The following SLC6A5 variants were observed in gnomAD, a reference collection of about 807,000 sequenced individuals.
The protein encoded by SLC6A5 is sodium- and chloride-dependent glycine transporter 2.
A neutral mutation model predicts 90.5 loss-of-function variants in SLC6A5; 58 were observed. That is an observed-to-expected ratio of 0.64 (90% CI 0.52 to 0.80). The LOEUF is 0.80. SLC6A5 is among the 30% of genes least tolerant of loss of function. The pLI is 0.00. For synonymous variants in SLC6A5, 427 were observed against 401.4 expected (o/e 1.06, Z -0.76); for missense variants, 1,015 against 1,017.6 (o/e 1.00, Z 0.03).
At chr11:20,606,961 C>T in intron 3 of SLC6A5, 46 bp from the exon 4 acceptor site, 1 of 1,613,610 alleles carries the variant, frequency 6.2e-7, no homozygotes, top group East Asian at 2.2e-5. Flanking sequence ...AGGGCAGCAG[C>T]CTGCTTTTGC....
intron 5 of SLC6A5, among the ~76,000 whole-genome samples, chr11:20,609,839 G>C (rs1852661327): frequency 6.6e-6 from 1 of 152,204 alleles, no homozygotes; most frequent in South Asian, 2.1e-4. Context: ...CCCTGGATCT[G>C]TGGGTGGGGA....
chr11:20,618,440 C>G lies in SLC6A5; in HGVS notation c.1260+556C>G, dbSNP rs560085641. ...GCCCCTAGCACTAAAGGAAGATGGT[C>G]CTGCCCATGGAATTTTGGCTGAGCA... On this transcript the variant is annotated intron_variant, in intron 7 of 15. Coordinates refer to ENST00000525748, the MANE Select transcript of SLC6A5 (RefSeq NM_004211.5). Among the ~76,000 whole-genome samples, 4 of 152,302 alleles carry G rather than the reference C, an allele frequency of 2.6e-5. No homozygotes were observed. In the East Asian group the frequency reaches 7.7e-4, roughly 29 times the overall value.
At chr11:20,600,318 C>A (rs192397783) in intron 1 of SLC6A5, among the ~76,000 whole-genome samples, 3 of 113,230 alleles carry the variant, frequency 2.6e-5, no homozygotes, top group Non-Finnish European at 3.6e-5. Context: ...TGAATAGTTA[C>A]GCAAAAAAGA....
chr11:20,607,295 C>T (rs1406261634), intron 4 of SLC6A5, among the ~76,000 whole-genome samples, 157 bp downstream of exon 4: 1 of 152,172 alleles, frequency 6.6e-6, no homozygotes, highest in African/African-American at 2.4e-5. Context: ...CCAAGATCAC[C>T]TCTGGCATTG....
At position 20,608,944 on chromosome 11, in the gene SLC6A5, CTCTCTCTCTCTCTCTGTGTGTG is replaced by C. The variant is rs1191122862; in HGVS notation, c.985+1294_985+1315del. ...TCTGTCTCTCTCTCTCTCTCTCTCTCTCTCTCTCTCTCTCTGTGTGTGTGTGTGTGTGTGTGTGTGTGTGTGT... is the reference window on the plus strand; with the variant it reads ...TCTGTCTCTCTCTCTCTCTCTCTCTCTGTGTGTGTGTGTGTGTGTGTGTGT... On this transcript the variant is annotated intron_variant, in intron 5 of 15. Transcript: ENST00000525748. 1.3e-4 allele frequency among the ~76,000 whole-genome samples: 15 copies of C among 118,850 alleles called. No individual in the cohort carries two copies. The East Asian group carries it at 2.7e-3, about 21-fold the overall frequency. The allele number at this position is 118,850 out of a possible 152,430, so 78.0% of individuals were successfully genotyped here.
Position 20,630,704 on chromosome 11 carries a change from G to T in SLC6A5, c.1513G>T (p.Val505Phe). 1 of 1,614,184 alleles carries T rather than the reference G, an allele frequency of 6.2e-7. No individual in the cohort carries two copies. Among genetic ancestry groups the T allele is most frequent in the Non-Finnish European group, 8.5e-7 (1 of 1,180,018 alleles). The change falls in exon 10 of 16, where the codon GTC (valine) becomes TTC (phenylalanine). Residue 505 changes from valine (V) to phenylalanine (F), a missense_variant. Physicochemically the swap from Val to Phe is conservative, Grantham distance 50 (BLOSUM62 -1). Around this residue, in one of 3 missense-constraint regions of SLC6A5, gnomAD observed 442 missense variants for 494.3 expected, o/e 0.89. Coordinates refer to ENST00000525748, the MANE Select transcript of SLC6A5 (RefSeq NM_004211.5). ...TCTTCCTTCCAGGGACACTCTAATT[G>T]TCACCTGCACCAACAGTGCCACAAG... is the stretch of plus-strand genomic sequence containing the variant. ...HNNCYRDTLI[V>F]TCTNSATSIF...
chr11:20,655,186 T>TA lies in SLC6A5; in HGVS notation c.*319dup, dbSNP rs1162789265. 6 of 386,326 alleles carry TA rather than the reference T, an allele frequency of 1.6e-5. No homozygotes were observed. Among genetic ancestry groups the TA allele is most frequent in the Non-Finnish European group, 3.0e-5 (6 of 200,870 alleles). The allele number at this position is 386,326 out of a possible 1,614,324, so 23.9% of individuals were successfully genotyped here. A position where few individuals can be genotyped will look rare whatever the true frequency, so the allele number is the denominator to read the frequency against. Reference sequence around the variant, plus strand: ...TGGTAGGTATGCGTGGTTTTGTCAATAGAGAGGTATCCACTGTGTGATGGC... The same window carrying TA: ...TGGTAGGTATGCGTGGTTTTGTCAATAAGAGAGGTATCCACTGTGTGATGGC... On this transcript the variant is annotated 3_prime_UTR_variant, in exon 16 of 16. Coordinates refer to ENST00000525748, the MANE Select transcript of SLC6A5 (RefSeq NM_004211.5).
At chr11:20,620,182 A>C (rs947174664) in intron 7 of SLC6A5, among the ~76,000 whole-genome samples, 1 of 152,142 alleles carries the variant, frequency 6.6e-6, no homozygotes, top group African/African-American at 2.4e-5. Context: ...ACAGGTGCCT[A>C]GTAGTATAGG....
intron 10 of SLC6A5, among the ~76,000 whole-genome samples, chr11:20,632,632 G>A (rs557508459): frequency 1.6e-4 from 24 of 152,114 alleles, no homozygotes; most frequent in Non-Finnish European, 3.4e-4. Flanking sequence ...GACCCACTGG[G>A]GAAGCTTTCC....
rs1853658615 is a variant in SLC6A5, at chr11:20,658,036, T to A, written c.*3168T>A. On this transcript the variant is annotated 3_prime_UTR_variant, in exon 16 of 16. Transcript: ENST00000525748. ...TGTTTTTAATATGTAAGAAATGTAA[T>A]CAACTTGTATTTCAGTAAGCAGCAC... 6.6e-6 allele frequency: 1 copy of A among 152,210 alleles called. No individual in the cohort carries two copies. The highest frequency in any genetic ancestry group is 2.4e-5 in the African/African-American group (1 of 41,450). 9.4% of individuals were successfully genotyped at this position (152,210 alleles called of 1,614,324 possible).
chr11:20,626,582 G>T, intron 7 of SLC6A5, 126 bp from the exon 8 acceptor site: 1 of 1,013,734 alleles, frequency 9.9e-7, no homozygotes, highest in Non-Finnish European at 1.5e-6. Flanking sequence ...GGCTGCATTT[G>T]GGGACAACTA....
At chr11:20,647,062 G>A in intron 14 of SLC6A5, 128 bp downstream of exon 14, 1 of 744,398 alleles carries the variant, frequency 1.3e-6, no homozygotes, top group Non-Finnish European at 2.4e-6. Flanking sequence ...AGGTTGGGTG[G>A]TGGTCTTGTC....
chr11:20,632,160 A>G (rs1853121360), intron 10 of SLC6A5, among the ~76,000 whole-genome samples: 5 of 152,130 alleles, frequency 3.3e-5, no homozygotes, highest in African/African-American at 1.2e-4. Flanking sequence ...GAGGTACTGG[A>G]GTCACTTCCA....
At chr11:20,638,663 T>C in intron 13 of SLC6A5, 105 bp downstream of exon 13, 1 of 774,988 alleles carries the variant, frequency 1.3e-6, no homozygotes, top group Non-Finnish European at 2.3e-6. Context: ...AGGGCTTAAA[T>C]TGCAACTATT....
Position 20,626,703 on chromosome 11 carries a change from T to C in SLC6A5, c.1261-5T>C, listed in dbSNP as rs1853001503. On this transcript the variant is annotated splice_region_variant and splice_polypyrimidine_tract_variant and intron_variant, in intron 7 of 15. Transcript: ENST00000525748. ...TTCCAGCCCCTCTGCCCATGGCTTT[T>C]CTAGGTGGTGTACTTCACGGCCACG... 1 of 1,613,988 alleles carries C rather than the reference T, an allele frequency of 6.2e-7. No individual in the cohort carries two copies. The highest frequency in any genetic ancestry group is 1.7e-5 in the Admixed American group (1 of 60,006).
At chr11:20,650,001 C>T (rs1190275092) in intron 14 of SLC6A5, among the ~76,000 whole-genome samples, 2 of 152,192 alleles carry the variant, frequency 1.3e-5, no homozygotes, top group Non-Finnish European at 2.9e-5. Flanking sequence ...TAATCACTTG[C>T]CCCAGCTGCC....
intron 15 of SLC6A5, 106 bp from the exon 16 acceptor site, chr11:20,654,607 G>T (rs755953806): frequency 1.4e-4 from 150 of 1,104,278 alleles, no homozygotes; most frequent in Non-Finnish European, 1.9e-4. Flanking sequence ...CTCAAGCAAG[G>T]ACTCTGGTCA....
intron 7 of SLC6A5, among the ~76,000 whole-genome samples, chr11:20,622,791 C>A (rs1852916956): frequency 6.6e-6 from 1 of 151,828 alleles, no homozygotes; most frequent in African/African-American, 2.4e-5. Flanking sequence ...GTCACCTCTT[C>A]CATCCTCATT....
rs755185593 is a variant in SLC6A5 at position 20,601,386 on chromosome 11, G to A, written c.261G>A (p.Ala87=). ...VGSCKLSSPR[A]QAASAALRDL... is the part of the protein sequence containing the mutation. Reference sequence around the variant, plus strand: ...CTTGCAAACTCAGTAGCCCGCGGGCGCAGGCGGCCTCTGCAGCTCTGCGGG... The same window carrying A: ...CTTGCAAACTCAGTAGCCCGCGGGCACAGGCGGCCTCTGCAGCTCTGCGGG... Residue 87 remains alanine, a synonymous_variant, in exon 2 of 16, where the codon GCG becomes GCA. Coordinates refer to ENST00000525748, the MANE Select transcript of SLC6A5 (RefSeq NM_004211.5). 1.9e-6 allele frequency: 3 copies of A among 1,603,680 alleles called. No homozygotes were observed. The highest frequency in any genetic ancestry group is 3.4e-5 in the Admixed American group (2 of 58,856).
Sources: allele counts gnomAD v4.1 joint callset (sites outside exome capture counted in the v4.1 genomes callset), GRCh38; gene constraint gnomAD v4.1.1; regional missense constraint gnomAD v4.1.1; transcripts MANE v1.5; gene names NCBI Gene and HGNC (gene_info 2026-07-23, HGNC 2026-07-21).